Variants in PRKD1 observed in about 807,000 individuals in gnomAD.
The protein encoded by PRKD1 is serine/threonine-protein kinase D1.
Under a neutral mutation model 95.9 loss-of-function variants are expected in PRKD1, and 63 were observed. The ratio of observed to expected loss-of-function variants is 0.66; its 90% CI spans 0.54 to 0.81. The LOEUF (loss-of-function observed/expected upper bound fraction) is 0.81, where lower values mean the gene tolerates loss of function less well. PRKD1 is among the 30% of genes least tolerant of loss of function. The pLI, the probability that PRKD1 is intolerant of heterozygous loss-of-function variation, is 0.00. For missense variants in PRKD1, 1,048 were observed against 1,165.3 expected (o/e 0.90, Z 1.47); for synonymous variants, 425 against 423.1 (o/e 1.00, Z -0.05).
At chr14:29,702,812 T>G (rs180873721) in intron 2 of PRKD1, among the ~76,000 whole-genome samples, 2 of 152,194 alleles carry the variant, frequency 1.3e-5, no homozygotes, top group African/African-American at 4.8e-5. Flanking sequence ...ATTTTCTTCC[T>G]GAGACCATTT....
chr14:29,903,069 G>A (rs1236209901), intron 1 of PRKD1, among the ~76,000 whole-genome samples: 4 of 152,258 alleles, frequency 2.6e-5, no homozygotes, highest in East Asian at 1.9e-4. Flanking sequence ...ATGGAAAAAC[G>A]TTAATAACAC....
intron 1 of PRKD1, among the ~76,000 whole-genome samples, chr14:29,917,113 G>C (rs1431732580): frequency 6.6e-6 from 1 of 152,010 alleles, no homozygotes; most frequent in Non-Finnish European, 1.5e-5. Flanking sequence ...ATAAACATTT[G>C]ACTATTGATA....
intron 1 of PRKD1, among the ~76,000 whole-genome samples, chr14:29,894,559 A>C (rs77509026): frequency 6.6e-6 from 1 of 152,362 alleles, no homozygotes; most frequent in East Asian, 1.9e-4. Flanking sequence ...ATTTGTACAA[A>C]ATTATCTGTC....
At chr14:29,634,684 C>G in intron 7 of PRKD1, 143 bp from the exon 8 acceptor site, 2 of 1,150,110 alleles carry the variant, frequency 1.7e-6, no homozygotes, top group Non-Finnish European at 1.2e-6. Context: ...TTGTCAGGCA[C>G]CATGGTTCTG....
In PRKD1 at chr14:29,652,953, T is replaced by A. The variant is rs757626181; in HGVS notation, c.696+10746A>T. 5.9e-5 allele frequency: 9 copies of A among 152,212 alleles called. No homozygotes were observed. The East Asian group carries it at 1.7e-3, about 29-fold the overall frequency. 9.4% of individuals were successfully genotyped at this position (152,212 alleles called of 1,614,324 possible). ...TTATAAAATGTATCAGGATCATATC[T>A]AATTATAGATAGAAAATACAATGCT... On this transcript the variant is annotated intron_variant, in intron 4 of 17. Transcript: ENST00000331968.
rs1369857517 is a variant in PRKD1, at chr14:29,826,780, T to TAC, written c.264+100467_264+100468dup. On this transcript the variant is annotated intron_variant, in intron 1 of 17. Transcript: ENST00000331968. The stretch of plus-strand genomic sequence containing the variant: ...ATACATATATATATACACATATATA[T>TAC]ACATATATACACATATATATACACA... Among the ~76,000 whole-genome samples, 135 of 40,510 alleles carry TAC rather than the reference T, an allele frequency of 3.3e-3. 20 individuals carry two copies. The highest frequency in any genetic ancestry group is 7.2e-3 in the African/African-American group (68 of 9,484). The allele number at this position is 40,510 out of a possible 152,430, so 26.6% of individuals were successfully genotyped here. A position where few individuals can be genotyped will look rare whatever the true frequency, so the allele number is the denominator to read the frequency against.
At chr14:29,886,455 C>A (rs2139404802) in intron 1 of PRKD1, among the ~76,000 whole-genome samples, 1 of 152,298 alleles carries the variant, frequency 6.6e-6, no homozygotes, top group Admixed American at 6.5e-5. Flanking sequence ...ACTCTCTCAT[C>A]CTCTCTCCCC....
At chr14:29,729,322 A>G (rs1388588119) in intron 1 of PRKD1, among the ~76,000 whole-genome samples, 1 of 152,086 alleles carries the variant, frequency 6.6e-6, no homozygotes, top group Admixed American at 6.5e-5. Flanking sequence ...CCTTTGCTGG[A>G]GGACTTAAAA....
At chr14:29,864,775 A>G (rs1340245109) in intron 1 of PRKD1, among the ~76,000 whole-genome samples, 12 of 152,160 alleles carry the variant, frequency 7.9e-5, no homozygotes, top group Admixed American at 5.9e-4. Flanking sequence ...GGGCAGGGAA[A>G]TAAAGGACCT....
chr14:29,690,962 A>G (rs1046163833), intron 2 of PRKD1, among the ~76,000 whole-genome samples: 2 of 152,164 alleles, frequency 1.3e-5, no homozygotes, highest in Non-Finnish European at 2.9e-5. Context: ...GTGGTAATGT[A>G]TGATAACTGG....
At chr14:29,915,355 C>T (rs1238120027) in intron 1 of PRKD1, among the ~76,000 whole-genome samples, 2 of 152,128 alleles carry the variant, frequency 1.3e-5, no homozygotes, top group East Asian at 1.9e-4. Flanking sequence ...AAACCAAATT[C>T]TGCTACACAA....
rs1344211546 is a variant in PRKD1 at position 29,785,303 on chromosome 14, A to AT, written c.265-59630dup. 3.3e-5 allele frequency among the ~76,000 whole-genome samples: 5 copies of AT among 152,164 alleles called. No homozygotes were observed. In the East Asian group the frequency reaches 9.7e-4, roughly 29 times the overall value. On this transcript the variant is annotated intron_variant, in intron 1 of 17. Transcript: ENST00000331968. ...ACAACCTCTTTGGTCAAATTTAGGT[A>AT]TTTTTTAAATTTATTTTTGTAGCTA...
chr14:29,891,070 A>G (rs971949338), intron 1 of PRKD1, among the ~76,000 whole-genome samples: 2 of 152,232 alleles, frequency 1.3e-5, no homozygotes, highest in Admixed American at 1.3e-4. Flanking sequence ...TACCGGCACT[A>G]TCCTAGACAC....
At chr14:29,907,711 C>T (rs1313732493) in intron 1 of PRKD1, among the ~76,000 whole-genome samples, 1 of 152,130 alleles carries the variant, frequency 6.6e-6, no homozygotes, top group African/African-American at 2.4e-5. Context: ...TTTAGTGAAA[C>T]ATGGACGTGT....
At chr14:29,846,836 A>G (rs1317268256) in intron 1 of PRKD1, among the ~76,000 whole-genome samples, 1 of 152,218 alleles carries the variant, frequency 6.6e-6, no homozygotes, top group African/African-American at 2.4e-5. Flanking sequence ...GTAAAGATAC[A>G]GCTGAAAGCA....
At chr14:29,678,679 A>G (rs1420485786) in intron 2 of PRKD1, among the ~76,000 whole-genome samples, 1 of 152,204 alleles carries the variant, frequency 6.6e-6, no homozygotes, top group Non-Finnish European at 1.5e-5. Context: ...AGGACATTCC[A>G]ATAACTTTTC....
intron 16 of PRKD1, among the ~76,000 whole-genome samples, chr14:29,595,410 T>C (rs1197581934): frequency 1.3e-5 from 2 of 152,150 alleles, no homozygotes; most frequent in African/African-American, 2.4e-5. Flanking sequence ...AAAGGAAATA[T>C]ATTATCATTT....
intron 1 of PRKD1, among the ~76,000 whole-genome samples, chr14:29,731,961 A>G (rs1335053985): frequency 1.3e-5 from 2 of 151,092 alleles, no homozygotes; most frequent in African/African-American, 4.9e-5. Flanking sequence ...GCAACCTCCA[A>G]CTCCTGGGTT....
chr14:29,584,824 ACTGCC>A (rs1259153788), intron 16 of PRKD1, among the ~76,000 whole-genome samples: 1 of 150,288 alleles, frequency 6.7e-6, no homozygotes, highest in East Asian at 2.0e-4. Flanking sequence ...GCTGAGTGTA[ACTGCC>A]ATGCAGATTA....
Sources: allele counts gnomAD v4.1 joint callset (sites outside exome capture counted in the v4.1 genomes callset), GRCh38; gene constraint gnomAD v4.1.1; transcripts MANE v1.5; gene names NCBI Gene and HGNC (gene_info 2026-07-23, HGNC 2026-07-21).